The following RUFY3 variants were observed in gnomAD, a reference collection of about 807,000 sequenced individuals.
The protein encoded by RUFY3 is protein RUFY3.
RUFY3 carries 34 observed loss-of-function variants against 84.0 expected under a neutral mutation model. The observed-to-expected ratio is 0.40, with a 90% CI of 0.31 to 0.54. The LOEUF is 0.54. Among genes scored for constraint, RUFY3 ranks in the 20% least tolerant of loss-of-function variants. The pLI, the probability that RUFY3 is intolerant of heterozygous loss-of-function variation, is 0.39. For missense variants in RUFY3, 507 were observed against 736.8 expected (o/e 0.69, Z 3.61); for synonymous variants, 242 against 252.9 (o/e 0.96, Z 0.41).
In RUFY3 at chr4:70,793,912, G is replaced by C. The variant is rs1251278627; in HGVS notation, c.1457+8G>C. 6.2e-7 allele frequency: 1 copy of C among 1,613,460 alleles called. No individual in the cohort carries two copies. The highest frequency in any genetic ancestry group is 1.1e-5 in the South Asian group (1 of 91,026). ...GGAGCTCACCAGGCAGCGGTGAAGA[G>C]GGGGTAGCTTGAGCTGACAGGGTGG... On this transcript the variant is annotated splice_region_variant and intron_variant, in intron 13 of 17. Transcript: ENST00000381006.
chr4:70,791,233 A>C (rs1452074607), intron 12 of RUFY3: 5 of 1,612,822 alleles, frequency 3.1e-6, no homozygotes, highest in Non-Finnish European at 3.4e-6. Flanking sequence ...AGTGAAAAGG[A>C]TTTGGTGAAA....
At chr4:70,785,256 C>T (rs1729588970) in intron 10 of RUFY3, among the ~76,000 whole-genome samples, 1 of 151,920 alleles carries the variant, frequency 6.6e-6, no homozygotes, top group Admixed American at 6.6e-5. Flanking sequence ...TAGGATTACT[C>T]TATTTTATTT....
intron 17 of RUFY3, among the ~76,000 whole-genome samples, chr4:70,804,653 C>CA (rs1491279975): frequency 6.6e-6 from 1 of 151,558 alleles, no homozygotes; most frequent in African/African-American, 2.4e-5. Flanking sequence ...CGCGGTGACT[C>CA]ACGCCTGTAA....
At chr4:70,794,541 A>G in intron 13 of RUFY3, 1 of 417,612 alleles carries the variant, frequency 2.4e-6, no homozygotes, top group South Asian at 3.4e-5. Flanking sequence ...AGATCATGCC[A>G]CTGCACTCCA....
At chr4:70,794,742 A>G in intron 13 of RUFY3, 53 bp from the exon 14 acceptor site, 2 of 1,144,232 alleles carry the variant, frequency 1.7e-6, no homozygotes, top group South Asian at 1.3e-5. Flanking sequence ...TTTAGAGAAT[A>G]TGTCTGTATA....
At chr4:70,715,033 T>A (rs1741405126) in intron 1 of RUFY3, among the ~76,000 whole-genome samples, 2 of 152,206 alleles carry the variant, frequency 1.3e-5, no homozygotes, top group African/African-American at 4.8e-5. Flanking sequence ...ACTTTCTGAG[T>A]ATATCAGTTT....
At chr4:70,762,143 A>G (rs1725140705) in intron 1 of RUFY3, among the ~76,000 whole-genome samples, 1 of 152,192 alleles carries the variant, frequency 6.6e-6, no homozygotes, top group Non-Finnish European at 1.5e-5. Context: ...AAGTGAGACC[A>G]TGTCTCTACA....
At chr4:70,774,367 G>C (rs1315675494) in intron 6 of RUFY3, among the ~76,000 whole-genome samples, 1 of 151,276 alleles carries the variant, frequency 6.6e-6, no homozygotes, top group East Asian at 1.9e-4. Flanking sequence ...CCAGCACTTT[G>C]GGAGGCCGAG....
intron 1 of RUFY3, chr4:70,705,419 G>A (rs1410359109): frequency 3.3e-5 from 19 of 580,332 alleles, no homozygotes; most frequent in Non-Finnish European, 4.8e-5. Flanking sequence ...CGGGAGGCGG[G>A]GGCTTTAGGG....
At chr4:70,744,358 TTATG>T (rs113177648) in intron 1 of RUFY3, among the ~76,000 whole-genome samples, 12 of 150,620 alleles carry the variant, frequency 8.0e-5, no homozygotes, top group Non-Finnish European at 1.2e-4. Context: ...TGGCTAATTT[TTATG>T]TATGTATGTA....
At chr4:70,751,654 T>C (rs1324785849) in intron 1 of RUFY3, among the ~76,000 whole-genome samples, 3 of 152,208 alleles carry the variant, frequency 2.0e-5, no homozygotes, top group African/African-American at 7.2e-5. Context: ...GGATATTGGA[T>C]CTGATTTGCA....
chr4:70,791,170 G>A (rs73827003), intron 12 of RUFY3: 27,519 of 1,451,818 alleles, frequency 0.019, 372 homozygotes, highest in African/African-American at 0.047. Context: ...TGTGTTTCCT[G>A]TTTATCCATT....
chr4:70,733,137 G>GGGGAGA (rs1220515845), intron 1 of RUFY3, among the ~76,000 whole-genome samples: 9 of 86,620 alleles, frequency 1.0e-4, no homozygotes, highest in Non-Finnish European at 1.5e-4. Context: ...AGGGAGGGAG[G>GGGGAGA]GAGAGAGAGA....
chr4:70,770,322 G>A lies in RUFY3; in HGVS notation c.696+1661G>A, dbSNP rs115637401. ...ATCTATAGCTATGAAAGTCCTAGAT[G>A]GCATTGTCTAATAGAAGGCTGTTTT... On this transcript the variant is annotated intron_variant, in intron 5 of 17. Coordinates refer to ENST00000381006, the MANE Select transcript of RUFY3 (RefSeq NM_001037442.4). 3.0e-3 allele frequency among the ~76,000 whole-genome samples: 458 copies of A among 152,270 alleles called. 3 individuals carry two copies. Among genetic ancestry groups the A allele is most frequent in the African/African-American group, 0.011 (443 of 41,556 alleles).
chr4:70,723,911 T>C (rs553647678), intron 1 of RUFY3, among the ~76,000 whole-genome samples: 15 of 152,318 alleles, frequency 9.8e-5, no homozygotes, highest in Non-Finnish European at 1.8e-4. Flanking sequence ...CAGTCAGCCT[T>C]AGCCTTGAGA....
chr4:70,762,485 A>G lies in RUFY3; in HGVS notation c.179-34A>G, dbSNP rs375350377. ...AATTTTAAAATGTGCTATTTCTAGT[A>G]ACCAGCCTTCATCTTCTTCCCCTTT... On this transcript the variant is annotated intron_variant, in intron 1 of 17. Coordinates refer to ENST00000381006, the MANE Select transcript of RUFY3 (RefSeq NM_001037442.4). 141 of 1,567,148 alleles carry G rather than the reference A, an allele frequency of 9.0e-5. No individual in the cohort carries two copies. The Middle Eastern group carries it at 1.0e-3, about 11-fold the overall frequency.
chr4:70,729,049 T>C (rs1407318872), intron 1 of RUFY3, among the ~76,000 whole-genome samples: 2 of 152,168 alleles, frequency 1.3e-5, no homozygotes, highest in East Asian at 3.9e-4. Context: ...ATATGGGGTA[T>C]ATTTGAGAAC....
chr4:70,804,531 G>A, intron 17 of RUFY3, 115 bp downstream of exon 17: 1 of 744,512 alleles, frequency 1.3e-6, no homozygotes, highest in Non-Finnish European at 2.2e-6. Flanking sequence ...CATGCAGAGT[G>A]CTGGGAGTGG....
At chr4:70,714,447 C>T (rs1382064815) in intron 1 of RUFY3, among the ~76,000 whole-genome samples, 2 of 152,196 alleles carry the variant, frequency 1.3e-5, no homozygotes, top group Non-Finnish European at 2.9e-5. Context: ...TTGCCTTGTT[C>T]TTTCTTCTGC....
Sources: allele counts gnomAD v4.1 joint callset (sites outside exome capture counted in the v4.1 genomes callset), GRCh38; gene constraint gnomAD v4.1.1; transcripts MANE v1.5; gene names NCBI Gene and HGNC (gene_info 2026-07-23, HGNC 2026-07-21).